The following NCAM2 variants were observed in gnomAD, a reference collection of about 807,000 sequenced individuals.
The protein encoded by NCAM2 is neural cell adhesion molecule 2, also known as N-CAM-2.
A neutral mutation model predicts 98.1 loss-of-function variants in NCAM2; 30 were observed. That is an observed-to-expected ratio of 0.31 (90% CI 0.23 to 0.41). NCAM2 has a LOEUF of 0.41. Among genes scored for constraint, NCAM2 ranks in the 10% least tolerant of loss-of-function variants. NCAM2 has a pLI of 1.00. For missense variants in NCAM2, 867 were observed against 1,005.8 expected (o/e 0.86, Z 1.87); for synonymous variants, 368 against 342.4 (o/e 1.07, Z -0.83).
At chr21:21,395,650 A>G (rs1349973828) in intron 9 of NCAM2, among the ~76,000 whole-genome samples, 1 of 152,084 alleles carries the variant, frequency 6.6e-6, no homozygotes, top group African/African-American at 2.4e-5. Flanking sequence ...ACAAAACAGC[A>G]TGGATTAAAT....
At chr21:21,331,297 C>T (rs563291238) in intron 6 of NCAM2, among the ~76,000 whole-genome samples, 1 of 151,020 alleles carries the variant, frequency 6.6e-6, no homozygotes, top group East Asian at 2.0e-4. Flanking sequence ...CCACAATGCC[C>T]AATTAACTTT....
rs377546997 is a variant in NCAM2, at chr21:21,286,380, A to T, written c.449A>T (p.Tyr150Phe). 15 of 1,612,288 alleles carry T rather than the reference A, an allele frequency of 9.3e-6. No individual in the cohort carries two copies. The highest frequency in any genetic ancestry group is 1.3e-5 in the Non-Finnish European group (15 of 1,178,922). The stretch of plus-strand genomic sequence containing the variant: ...CCTGCACCTGCTGTCAGCTGGTTGT[A>T]TCATAATGAGGAAGTCACCACTATT... ...SSPAPAVSWL[Y>F]HNEEVTTISD... The change falls in exon 4 of 18, where the codon TAT (tyrosine) becomes TTT (phenylalanine). Residue 150 changes from tyrosine (Y) to phenylalanine (F), a missense_variant. Physicochemically the swap from Tyr to Phe is conservative, Grantham distance 22. This residue lies in a region of NCAM2 where 447 missense variants were observed against 495.7 expected (regional missense o/e 0.90). Coordinates refer to ENST00000400546, the MANE Select transcript of NCAM2 (RefSeq NM_004540.5).
intron 1 of NCAM2, among the ~76,000 whole-genome samples, chr21:21,027,521 C>G (rs1312127259): frequency 6.6e-6 from 1 of 152,178 alleles, no homozygotes; most frequent in East Asian, 1.9e-4. Context: ...AATACTAATA[C>G]AGCACTTCGT....
chr21:21,346,675 A>G (rs1218240905), intron 8 of NCAM2, among the ~76,000 whole-genome samples: 1 of 152,064 alleles, frequency 6.6e-6, no homozygotes, highest in African/African-American at 2.4e-5. Flanking sequence ...AATATCAAGC[A>G]TCCTCTCTGA....
chr21:21,514,227 G>T (rs1239255963), intron 16 of NCAM2, among the ~76,000 whole-genome samples: 1 of 150,844 alleles, frequency 6.6e-6, no homozygotes, highest in Non-Finnish European at 1.5e-5. Flanking sequence ...GCAAAATGTT[G>T]TCTCTGGGGA....
chr21:21,209,493 G>T (rs1405485539), intron 1 of NCAM2, among the ~76,000 whole-genome samples: 2 of 152,094 alleles, frequency 1.3e-5, no homozygotes, highest in Admixed American at 6.6e-5. Flanking sequence ...ACCATGCCTG[G>T]CCTAGCTTGG....
chr21:21,468,562 C>A, intron 13 of NCAM2, 100 bp from the exon 14 acceptor site: 1 of 1,165,462 alleles, frequency 8.6e-7, no homozygotes, highest in Non-Finnish European at 1.2e-6. Context: ...CAGGATAACA[C>A]CATATATTTT....
At chr21:21,364,229 G>T (rs1241533237) in intron 8 of NCAM2, among the ~76,000 whole-genome samples, 2 of 151,706 alleles carry the variant, frequency 1.3e-5, no homozygotes, top group Non-Finnish European at 1.5e-5. Context: ...TTCATGTTCT[G>T]TATAAAATAT....
intron 9 of NCAM2, among the ~76,000 whole-genome samples, chr21:21,391,987 C>G (rs1410286880): frequency 6.6e-6 from 1 of 152,132 alleles, no homozygotes; most frequent in Non-Finnish European, 1.5e-5. Flanking sequence ...TGGTTTGTTA[C>G]ACAGGTAAAC....
chr21:21,385,959 T>A (rs2076263043), intron 9 of NCAM2, among the ~76,000 whole-genome samples: 1 of 152,148 alleles, frequency 6.6e-6, no homozygotes, highest in Admixed American at 6.6e-5. Context: ...CCTTTAATTC[T>A]CCTTAGACAT....
intron 1 of NCAM2, among the ~76,000 whole-genome samples, chr21:21,100,232 AAG>A (rs1272791659): frequency 1.3e-5 from 2 of 151,994 alleles, no homozygotes; most frequent in Admixed American, 1.3e-4. Context: ...GACCAAAAAA[AAG>A]AGAAGCCCCA....
At chr21:21,159,201 T>C (rs964935783) in intron 1 of NCAM2, among the ~76,000 whole-genome samples, 29 of 152,298 alleles carry the variant, frequency 1.9e-4, no homozygotes, top group Admixed American at 3.9e-4. Flanking sequence ...CTGTATAATA[T>C]GTTTGTGTTG....
intron 1 of NCAM2, among the ~76,000 whole-genome samples, chr21:21,206,865 A>G (rs2069456202): frequency 1.3e-5 from 2 of 152,156 alleles, no homozygotes; most frequent in South Asian, 4.1e-4. Flanking sequence ...GGTATCTATA[A>G]CATTTACAGT....
At chr21:21,169,259 G>A (rs144103024) in intron 1 of NCAM2, among the ~76,000 whole-genome samples, 136 of 151,614 alleles carry the variant, frequency 9.0e-4, no homozygotes, top group African/African-American at 2.1e-3. Context: ...TCTAGACAAC[G>A]ACCATAAATC....
chr21:21,418,245 G>T (rs1168681921), intron 10 of NCAM2, among the ~76,000 whole-genome samples: 1 of 151,972 alleles, frequency 6.6e-6, no homozygotes, highest in Non-Finnish European at 1.5e-5. Flanking sequence ...TGAATTAATA[G>T]ATAAATTCTG....
At chr21:21,017,858 T>C (rs1031054886) in intron 1 of NCAM2, among the ~76,000 whole-genome samples, 2 of 152,184 alleles carry the variant, frequency 1.3e-5, no homozygotes, top group Non-Finnish European at 2.9e-5. Context: ...TAGGTCTGTG[T>C]ATATATATTT....
At chr21:21,422,654 T>C (rs2077134376) in intron 11 of NCAM2, among the ~76,000 whole-genome samples, 1 of 151,856 alleles carries the variant, frequency 6.6e-6, no homozygotes. Flanking sequence ...AAATATGAAA[T>C]ATTTCACATA....
At chr21:21,325,876 G>T (rs867442803) in intron 6 of NCAM2, among the ~76,000 whole-genome samples, 12 of 152,064 alleles carry the variant, frequency 7.9e-5, no homozygotes, top group Non-Finnish European at 1.6e-4. Flanking sequence ...TGTATGTAGT[G>T]GGAAAAACAT....
chr21:21,295,851 CTCTCTGTCTT>C (rs201862809), intron 5 of NCAM2, among the ~76,000 whole-genome samples: 2,057 of 151,782 alleles, frequency 0.014, 45 homozygotes, highest in African/African-American at 0.047. Context: ...CTCTCTCTCT[CTCTCTGTCTT>C]TAAACAATCA....
Sources: allele counts gnomAD v4.1 joint callset (sites outside exome capture counted in the v4.1 genomes callset), GRCh38; gene constraint gnomAD v4.1.1; regional missense constraint gnomAD v4.1.1; transcripts MANE v1.5; gene names NCBI Gene and HGNC (gene_info 2026-07-23, HGNC 2026-07-21).